SMARCA4: variants seen among roughly 807,000 people sequenced by gnomAD.
SMARCA4 encodes the protein SWI/SNF related BAF chromatin remodeling complex subunit ATPase 4.
In SMARCA4, 31 loss-of-function variants were observed where a neutral mutation model predicts 193.9. That is an observed-to-expected ratio of 0.16 (90% CI 0.12 to 0.22). The LOEUF (loss-of-function observed/expected upper bound fraction) is 0.22, where lower values mean the gene tolerates loss of function less well. Among genes scored for constraint, SMARCA4 ranks in the 10% least tolerant of loss-of-function variants. The probability of loss-of-function intolerance (pLI) is 1.00; values close to 1 mark genes in which losing one functional copy is unlikely to be tolerated. For synonymous variants in SMARCA4, 942 were observed against 933.1 expected (o/e 1.01, Z -0.17); for missense variants, 1,148 against 2,296.0 (o/e 0.50, Z 10.22).
At chr19:10,976,293 G>T (rs1205704551) in intron 1 of SMARCA4, among the ~76,000 whole-genome samples, 4 of 151,966 alleles carry the variant, frequency 2.6e-5, no homozygotes, top group African/African-American at 9.7e-5. Flanking sequence ...TAGACATCTC[G>T]CCGGAGCAAG....
intron 1 of SMARCA4, among the ~76,000 whole-genome samples, chr19:10,978,122 T>C (rs981076390): frequency 6.6e-6 from 1 of 152,192 alleles, no homozygotes; most frequent in African/African-American, 2.4e-5. Flanking sequence ...CCTTGCCATT[T>C]CTTTGTGACT....
chr19:11,026,937 C>T (rs1404981985), intron 23 of SMARCA4, among the ~76,000 whole-genome samples: 1 of 152,188 alleles, frequency 6.6e-6, no homozygotes, highest in African/African-American at 2.4e-5. Flanking sequence ...CTTAACCTCT[C>T]TGAGCCTAAA....
chr19:11,046,592 C>A lies in SMARCA4; in HGVS notation c.4424+5032C>A, dbSNP rs146443678. Among the ~76,000 whole-genome samples the A allele has an allele frequency of 3.9e-3, 587 of 152,328 alleles. 4 individuals carry two copies. The highest frequency in any genetic ancestry group is 0.013 in the African/African-American group (538 of 41,564). Reference sequence around the variant, plus strand: ...AGCACAGCAGGCGTGGGTCTGTCCACTCACTGTAATGTGATTTGCACAGGA... The same window carrying A: ...AGCACAGCAGGCGTGGGTCTGTCCAATCACTGTAATGTGATTTGCACAGGA... On this transcript the variant is annotated intron_variant, in intron 30 of 34. Coordinates refer to ENST00000344626, the MANE Select transcript of SMARCA4 (RefSeq NM_003072.5).
chr19:10,991,059 C>T lies in SMARCA4; in HGVS notation c.1246-91C>T, dbSNP rs142493475. 207 of 1,574,580 alleles carry T rather than the reference C, an allele frequency of 1.3e-4. 2 individuals are homozygous for T. In the East Asian group the frequency reaches 1.9e-3, roughly 14 times the overall value. On this transcript the variant is annotated intron_variant, in intron 7 of 34. Coordinates refer to ENST00000344626, the MANE Select transcript of SMARCA4 (RefSeq NM_003072.5). Reference sequence around the variant, plus strand: ...TAAGGCACTTACAATGCTCCTTTAGCGGTGAAGCATGTGACATCACCATAC... The same window carrying T: ...TAAGGCACTTACAATGCTCCTTTAGTGGTGAAGCATGTGACATCACCATAC...
Position 11,041,633 on chromosome 19 carries a change from C to A in SMARCA4, c.4424+73C>A, listed in dbSNP as rs2146827478. 7.4e-7 allele frequency: 1 copy of A among 1,346,776 alleles called. No individual in the cohort carries two copies. Among genetic ancestry groups the A allele is most frequent in the Non-Finnish European group, 1.0e-6 (1 of 955,152 alleles). The allele number at this position is 1,346,776 out of a possible 1,614,324, so 83.4% of individuals were successfully genotyped here. On this transcript the variant is annotated intron_variant, in intron 30 of 34. Transcript: ENST00000344626. The surrounding 1 kb of genome is among the most constrained non-coding windows in gnomAD (Gnocchi z 5.6). ...AGCAGGCCTGGCATCTGCACTCTGA[C>A]TCTGCACACTCAGGCTTGGGCCGCT...
At chr19:10,972,605 T>G (rs1599839083) in intron 1 of SMARCA4, among the ~76,000 whole-genome samples, 1 of 152,036 alleles carries the variant, frequency 6.6e-6, no homozygotes, top group East Asian at 1.9e-4. Flanking sequence ...GCTGTGGCGG[T>G]GGGGAAGGCC....
At chr19:11,048,238 T>A (rs573329526) in intron 30 of SMARCA4, among the ~76,000 whole-genome samples, 45 of 149,936 alleles carry the variant, frequency 3.0e-4, no homozygotes, top group Admixed American at 9.2e-4. Context: ...TTTTTTTTTT[T>A]ATTTATTTTT....
At chr19:10,977,736 T>G (rs2085259428) in intron 1 of SMARCA4, 1 of 152,282 alleles carries the variant, frequency 6.6e-6, no homozygotes, top group Admixed American at 6.5e-5. Context: ...ACCTTTCACG[T>G]GCTAAGCAGC....
In SMARCA4 at chr19:11,041,584, G is replaced by C. The variant is rs371231226; in HGVS notation, c.4424+24G>C. 8 of 1,605,422 alleles carry C rather than the reference G, an allele frequency of 5.0e-6. No individual in the cohort carries two copies. In the South Asian group the frequency reaches 7.7e-5, roughly 15 times the overall value. On this transcript the variant is annotated intron_variant, in intron 30 of 34. Transcript: ENST00000344626. This position sits in a 1 kb window ranked among gnomAD's most constrained non-coding sequence, Gnocchi z 5.6. ...AGGTAAGCGAGGAGGCGGGGAGGGC[G>C]GGGGCTGTAGGGGTCCCCGTGGGAG... is the stretch of plus-strand genomic sequence containing the variant.
chr19:11,015,468 C>G (rs1353669185), intron 16 of SMARCA4, among the ~76,000 whole-genome samples: 4 of 152,040 alleles, frequency 2.6e-5, no homozygotes, highest in African/African-American at 4.8e-5. Context: ...AACACCACGC[C>G]CTGCTTGATG....
At position 10,985,786 on chromosome 19, in the gene SMARCA4, T is replaced by C. The variant is rs928753364; in HGVS notation, c.355+381T>C. ...CTGTACGAGGACAATTGAGAAGTGA[T>C]ATGGTGGGTGACTTTCCAAGGCCTT... On this transcript the variant is annotated intron_variant, in intron 3 of 34. Coordinates refer to ENST00000344626, the MANE Select transcript of SMARCA4 (RefSeq NM_003072.5). This position sits in a 1 kb window ranked among gnomAD's most constrained non-coding sequence, Gnocchi z 4.5. Among the ~76,000 whole-genome samples the C allele has an allele frequency of 5.9e-5, 9 of 151,882 alleles. No individual in the cohort carries two copies. The highest frequency in any genetic ancestry group is 2.2e-4 in the African/African-American group (9 of 41,336).
rs1456396368 is a variant in SMARCA4 at position 11,061,200 on chromosome 19, AAAAAATATATATATATATATAT to A, written c.4912-582_4912-561del. ...AAGACCCTGTCTTTAAAAAAAAAAA[AAAAAATATATATATATATATAT>A]ATATATATATATATATATATGAAAG... On this transcript the variant is annotated intron_variant, in intron 34 of 34. Coordinates refer to ENST00000344626, the MANE Select transcript of SMARCA4 (RefSeq NM_003072.5). Among the ~76,000 whole-genome samples the A allele has an allele frequency of 1.9e-3, 134 of 70,514 alleles. 8 individuals carry two copies. The highest frequency in any genetic ancestry group is 9.2e-3 in the African/African-American group (126 of 13,622). The allele number at this position is 70,514 out of a possible 152,430, so 46.3% of individuals were successfully genotyped here.
intron 24 of SMARCA4, among the ~76,000 whole-genome samples, chr19:11,028,981 T>G (rs78921492): frequency 0.028 from 4,234 of 152,280 alleles, 91 homozygotes; most frequent in Non-Finnish European, 0.041. Context: ...CACTTGGACC[T>G]GTGTTTGCTG....
At chr19:11,061,686 T>A in intron 34 of SMARCA4, 98 bp from the exon 35 acceptor site, 1 of 1,230,700 alleles carries the variant, frequency 8.1e-7, no homozygotes, top group Non-Finnish European at 1.2e-6. Flanking sequence ...CACATCAGTG[T>A]TTTCTTGAGC....
At position 11,034,389 on chromosome 19, in the gene SMARCA4, G is replaced by T. The variant is rs1271177682; in HGVS notation, c.3951+189G>T. Among the ~76,000 whole-genome samples the T allele has an allele frequency of 6.6e-6, 1 of 152,140 alleles. No individual in the cohort carries two copies. The highest frequency in any genetic ancestry group is 1.9e-4 in the East Asian group (1 of 5,188). On this transcript the variant is annotated intron_variant, in intron 28 of 34. Transcript: ENST00000344626. This position sits in a 1 kb window ranked among gnomAD's most constrained non-coding sequence, Gnocchi z 7.0. ...CCCCCAGTCTCCTGAGGATGGCATC[G>T]GAGGGCGAGATGCACACCCAGCCTT... is the stretch of plus-strand genomic sequence containing the variant.
In SMARCA4 at chr19:10,975,017, C is replaced by CTTTTTT. The variant is rs760199710; in HGVS notation, c.-31-9087_-31-9082dup. Among the ~76,000 whole-genome samples the CTTTTTT allele has an allele frequency of 4.9e-4, 50 of 101,044 alleles. 1 individual carries two copies. Among genetic ancestry groups the CTTTTTT allele is most frequent in the African/African-American group, 1.8e-3 (45 of 24,986 alleles). The allele number at this position is 101,044 out of a possible 152,430, so 66.3% of individuals were successfully genotyped here. On this transcript the variant is annotated intron_variant, in intron 1 of 34. Transcript: ENST00000344626. The stretch of plus-strand genomic sequence containing the variant: ...CCAGCCATATGCATATATAGTTATT[C>CTTTTTT]TTTTTTTTTTTTTTTTTTTTTTGAG...
intron 23 of SMARCA4, 74 bp from the exon 24 acceptor site, chr19:11,027,710 C>G (rs919839144): frequency 2.3e-5 from 36 of 1,563,900 alleles, no homozygotes; most frequent in Non-Finnish European, 3.1e-5. Context: ...GGCGATGCAC[C>G]TCCTGCCTTA....
rs376810476 is a variant in SMARCA4, at chr19:10,991,348, C to G, written c.1419+25C>G. The stretch of plus-strand genomic sequence containing the variant: ...GGTACGCTCCGGTGGCCCCAAGGCC[C>G]TGCAGCCCGCCCACCTGGCTGCCTG... On this transcript the variant is annotated intron_variant, in intron 8 of 34. Coordinates refer to ENST00000344626, the MANE Select transcript of SMARCA4 (RefSeq NM_003072.5). 2.7e-4 allele frequency: 419 copies of G among 1,566,702 alleles called. 2 individuals carry two copies. Among genetic ancestry groups the G allele is most frequent in the Middle Eastern group, 1.4e-3 (7 of 5,018 alleles).
At chr19:10,994,193 C>T (rs2086804433) in intron 8 of SMARCA4, among the ~76,000 whole-genome samples, 2 of 151,794 alleles carry the variant, frequency 1.3e-5, no homozygotes, top group Admixed American at 6.6e-5. Flanking sequence ...GCATGTGCCA[C>T]CACACCTGGC....
Sources: allele counts gnomAD v4.1 joint callset (sites outside exome capture counted in the v4.1 genomes callset), GRCh38; gene constraint gnomAD v4.1.1; non-coding constraint Gnocchi (gnomAD v3.1); transcripts MANE v1.5; gene names NCBI Gene and HGNC (gene_info 2026-07-23, HGNC 2026-07-21).